The following METTL15 variants were observed in gnomAD, a reference collection of about 807,000 sequenced individuals.
The protein encoded by METTL15 is 12S rRNA N(4)-cytidine methyltransferase METTL15.
A neutral mutation model predicts 38.3 loss-of-function variants in METTL15; 34 were observed. The ratio of observed to expected loss-of-function variants is 0.89; its 90% CI spans 0.68 to 1.18. The LOEUF (loss-of-function observed/expected upper bound fraction) is 1.18, where lower values mean the gene tolerates loss of function less well. Among genes scored for constraint, METTL15 ranks in the 50% most tolerant of loss-of-function variants. METTL15 has a pLI of 0.00. For missense variants in METTL15, 438 were observed against 498.4 expected, an observed-to-expected ratio of 0.88 and a Z score of 1.15; for synonymous variants, 162 against 170.9, an observed-to-expected ratio of 0.95 and a Z score of 0.41.
chr11:28,217,813 G>A (rs763066673), intron 4 of METTL15, among the ~76,000 whole-genome samples: 3 of 152,106 alleles, frequency 2.0e-5, no homozygotes, highest in African/African-American at 2.4e-5. Context: ...TATTAAATAG[G>A]GAATCCTTTC....
chr11:28,319,077 G>C (rs1198217335), intron 6 of METTL15, among the ~76,000 whole-genome samples: 4 of 152,156 alleles, frequency 2.6e-5, no homozygotes, highest in African/African-American at 9.7e-5. Context: ...CTTTAGGCCT[G>C]ACAATGCACA....
At chr11:28,325,820 G>A (rs983326598) in intron 6 of METTL15, among the ~76,000 whole-genome samples, 1 of 152,138 alleles carries the variant, frequency 6.6e-6, no homozygotes, top group East Asian at 1.9e-4. Context: ...GAGTGAACGC[G>A]AAATAGTTCT....
intron 4 of METTL15, among the ~76,000 whole-genome samples, chr11:28,218,340 C>T (rs1853007022): frequency 6.6e-6 from 1 of 152,096 alleles, no homozygotes; most frequent in Non-Finnish European, 1.5e-5. Context: ...GGAGTTCACT[C>T]ATGATTTGGC....
intron 6 of METTL15, among the ~76,000 whole-genome samples, chr11:28,303,280 T>A (rs1313570385): frequency 6.6e-6 from 1 of 152,192 alleles, no homozygotes; most frequent in African/African-American, 2.4e-5. Context: ...CTTTCTCATC[T>A]TAAACTGGAG....
chr11:28,372,281 T>C (rs890995382), intron 5 of METTL15, among the ~76,000 whole-genome samples: 4 of 152,100 alleles, frequency 2.6e-5, no homozygotes, highest in African/African-American at 9.7e-5. Flanking sequence ...TTATGTTAAT[T>C]GATTTGCATA....
intron 3 of METTL15, among the ~76,000 whole-genome samples, chr11:28,144,596 T>C (rs1279183418): frequency 1.3e-5 from 2 of 152,146 alleles, no homozygotes; most frequent in Admixed American, 1.3e-4. Context: ...GGAAGGCTTA[T>C]TTTGAATGAC....
At chr11:28,492,599 G>A (rs1210504425) in intron 6 of METTL15, among the ~76,000 whole-genome samples, 8 of 152,024 alleles carry the variant, frequency 5.3e-5, no homozygotes, top group Admixed American at 2.0e-4. Context: ...TGAGCAATTC[G>A]TGATTCGCCT....
intron 3 of METTL15, among the ~76,000 whole-genome samples, chr11:28,115,981 G>A (rs1851937466): frequency 1.3e-5 from 2 of 149,840 alleles, no homozygotes; most frequent in Non-Finnish European, 3.0e-5. Context: ...TACCGATTTT[G>A]GATTTACCAG....
At chr11:28,470,186 A>G (rs17574195) in intron 6 of METTL15, among the ~76,000 whole-genome samples, 61,484 of 151,968 alleles carry the variant, frequency 0.4, 14,248 homozygotes, top group Admixed American at 0.52. Context: ...AAATTCATCA[A>G]TACATTTGCA....
chr11:28,254,023 G>A lies in METTL15; in HGVS notation c.408-36183G>A, dbSNP rs531727274. ...AGCAGTGAGATTGCTGGATTATATG[G>A]TAGCTCTATTTTTAGTTTTTTGAGG... On this transcript the variant is annotated intron_variant, in intron 4 of 6. Transcript: ENST00000407364. Among the ~76,000 whole-genome samples the A allele has an allele frequency of 2.0e-3, 302 of 152,232 alleles. 2 individuals are homozygous for A. Among genetic ancestry groups the A allele is most frequent in the African/African-American group, 6.0e-3 (248 of 41,532 alleles).
Position 28,293,838 on chromosome 11 carries a change from C to G in METTL15, c.600-2915C>G, listed in dbSNP as rs1330561026. On this transcript the variant is annotated intron_variant, in intron 5 of 6. Coordinates refer to ENST00000407364, the MANE Select transcript of METTL15 (RefSeq NM_001113528.2). ...AAGCAATTGTGAATGGGAGTTCACTCATGATTTGGCTCTCTGTTTGTCTGT... is the reference window on the plus strand; with the variant it reads ...AAGCAATTGTGAATGGGAGTTCACTGATGATTTGGCTCTCTGTTTGTCTGT... 3.9e-5 allele frequency among the ~76,000 whole-genome samples: 6 copies of G among 152,130 alleles called. No homozygotes were observed. In the East Asian group the frequency reaches 9.7e-4, roughly 24 times the overall value.
intron 3 of METTL15, among the ~76,000 whole-genome samples, chr11:28,181,142 A>G (rs1383157847): frequency 6.6e-6 from 1 of 151,774 alleles, no homozygotes; most frequent in Non-Finnish European, 1.5e-5. Flanking sequence ...GTAGTCGATT[A>G]TAAAACATAT....
At chr11:28,490,897 A>G (rs1213690372) in intron 6 of METTL15, among the ~76,000 whole-genome samples, 1 of 152,180 alleles carries the variant, frequency 6.6e-6, no homozygotes, top group Admixed American at 6.5e-5. Flanking sequence ...AAAGATAGAG[A>G]CACTCCAAGG....
intron 6 of METTL15, among the ~76,000 whole-genome samples, chr11:28,504,666 A>T (rs1564950282): frequency 6.6e-6 from 1 of 152,246 alleles, no homozygotes; most frequent in Non-Finnish European, 1.5e-5. Flanking sequence ...TCAGATTATT[A>T]GGTCATGCCC....
Position 28,330,497 on chromosome 11 carries a change from A to C in METTL15, c.880A>C (p.Asn294His). 1 of 1,551,656 alleles carries C rather than the reference A, an allele frequency of 6.4e-7. No homozygotes were observed. Among genetic ancestry groups the C allele is most frequent in the South Asian group, 1.2e-5 (1 of 84,052 alleles). Reference sequence around the variant, plus strand: ...CCAGGCTCTTCGCATATTTGTGAACAATGAGCTCAATGAACTCTACACGGG... The same window carrying C: ...CCAGGCTCTTCGCATATTTGTGAACCATGAGCTCAATGAACTCTACACGGG... Reference protein sequence around the residue: ...TFQALRIFVNNELNELYTGLK... With the variant: ...TFQALRIFVNHELNELYTGLK... The change falls in exon 7 of 7, where the codon AAT becomes CAT. Residue 294 changes from asparagine (N) to histidine (H), a missense_variant. Coordinates refer to ENST00000407364, the MANE Select transcript of METTL15 (RefSeq NM_001113528.2).
At chr11:28,354,924 A>C (rs987124370) in intron 4 of METTL15, among the ~76,000 whole-genome samples, 6 of 152,188 alleles carry the variant, frequency 3.9e-5, no homozygotes, top group African/African-American at 1.2e-4. Flanking sequence ...ACTGAGGCTG[A>C]GCAGTTTTTT....
intron 6 of METTL15, among the ~76,000 whole-genome samples, chr11:28,454,658 A>G (rs985555038): frequency 6.6e-6 from 1 of 152,222 alleles, no homozygotes; most frequent in African/African-American, 2.4e-5. Flanking sequence ...TGGAGTTAAC[A>G]TACTTAACTT....
intron 4 of METTL15, among the ~76,000 whole-genome samples, chr11:28,213,154 T>C (rs1487042399): frequency 6.6e-6 from 1 of 152,194 alleles, no homozygotes; most frequent in Non-Finnish European, 1.5e-5. Context: ...TGAGACTTTT[T>C]TTACTTCACT....
At chr11:28,264,943 TTAA>T (rs916386254) in intron 4 of METTL15, among the ~76,000 whole-genome samples, 1 of 152,154 alleles carries the variant, frequency 6.6e-6, no homozygotes, top group Non-Finnish European at 1.5e-5. Flanking sequence ...ATTTTTTTTA[TTAA>T]TCTAAGAATT....
Sources: gnomAD v4.1 joint callset for allele counts (sites outside exome capture counted in the v4.1 genomes callset) on GRCh38, gnomAD v4.1.1 for gene constraint, MANE v1.5 for transcripts, NCBI Gene and HGNC (gene_info 2026-07-23, HGNC 2026-07-21) for gene names.